Variants in ITM2B observed in about 807,000 individuals in gnomAD.
The protein encoded by ITM2B is ABri/ADan amyloid peptide.
A neutral mutation model predicts 27.8 loss-of-function variants in ITM2B; 11 were observed. That is an observed-to-expected ratio of 0.40 (90% CI 0.25 to 0.66). The LOEUF is 0.66. Among genes scored for constraint, ITM2B ranks in the 30% least tolerant of loss-of-function variants. The probability of loss-of-function intolerance (pLI) is 0.43; values close to 1 mark genes in which losing one functional copy is unlikely to be tolerated. For synonymous variants in ITM2B, 114 were observed against 114.3 expected, an observed-to-expected ratio of 1.00 and a Z score of 0.02; for missense variants, 296 against 328.9, an observed-to-expected ratio of 0.90 and a Z score of 0.77.
At chr13:48,236,425 A>C (rs1951668975) in intron 1 of ITM2B, among the ~76,000 whole-genome samples, 1 of 152,178 alleles carries the variant, frequency 6.6e-6, no homozygotes, top group Non-Finnish European at 1.5e-5. Flanking sequence ...CTTGGGCTTA[A>C]ATTTTTAGGT....
chr13:48,258,731 T>C (rs1951804504), intron 4 of ITM2B, 66 bp from the exon 5 acceptor site: 1 of 1,470,046 alleles, frequency 6.8e-7, no homozygotes, highest in South Asian at 1.1e-5. Flanking sequence ...AATTTTGTCT[T>C]GTTTCTCTAG....
rs1465311699 is a variant in ITM2B at position 48,263,101 on chromosome 13, G to A, written c.*1877G>A. The A allele has an allele frequency of 1.3e-5, 2 of 152,072 alleles. No homozygotes were observed. The highest frequency in any genetic ancestry group is 4.8e-5 in the African/African-American group (2 of 41,426). The allele number at this position is 152,072 out of a possible 1,614,324, so 9.4% of individuals were successfully genotyped here. A position where few individuals can be genotyped will look rare whatever the true frequency, so the allele number is the denominator to read the frequency against. On this transcript the variant is annotated 3_prime_UTR_variant, in exon 6 of 6. Transcript: ENST00000647800. ...GGCAGGCAACCTCCAGACTCCCAGGGACCCAAACTTACACTTTACTAAATG... is the reference window on the plus strand; with the variant it reads ...GGCAGGCAACCTCCAGACTCCCAGGAACCCAAACTTACACTTTACTAAATG...
At chr13:48,254,265 A>G (rs1951772907) in intron 2 of ITM2B, among the ~76,000 whole-genome samples, 1 of 152,222 alleles carries the variant, frequency 6.6e-6, no homozygotes, top group Admixed American at 6.5e-5. Flanking sequence ...CCAGTTGAAT[A>G]AATACATCAG....
Position 48,244,526 on chromosome 13 carries a change from A to G in ITM2B, c.118-9282A>G, listed in dbSNP as rs75894059. The stretch of plus-strand genomic sequence containing the variant: ...TTAACATTTAGAATTCCAAACTTGG[A>G]CAGAAATTTTCTCTTAACTATCCAC... On this transcript the variant is annotated intron_variant, in intron 1 of 5. Coordinates refer to ENST00000647800, the MANE Select transcript of ITM2B (RefSeq NM_021999.5). Among the ~76,000 whole-genome samples the G allele has an allele frequency of 5.0e-3, 761 of 152,342 alleles. 6 individuals are homozygous for G. Among genetic ancestry groups the G allele is most frequent in the African/African-American group, 0.018 (732 of 41,584 alleles).
At chr13:48,233,848 C>T (rs922387389) in intron 1 of ITM2B, among the ~76,000 whole-genome samples, 2 of 152,164 alleles carry the variant, frequency 1.3e-5, no homozygotes, top group Non-Finnish European at 2.9e-5. Flanking sequence ...TTGGCACTTC[C>T]TTCCCAGTAT....
chr13:48,242,858 T>C (rs1951707394), intron 1 of ITM2B, among the ~76,000 whole-genome samples: 2 of 152,198 alleles, frequency 1.3e-5, no homozygotes, highest in Non-Finnish European at 1.5e-5. Flanking sequence ...TCTGCTGTCA[T>C]TCATTTTCAT....
intron 5 of ITM2B, among the ~76,000 whole-genome samples, chr13:48,260,350 G>C (rs1290138401): frequency 6.6e-6 from 1 of 152,162 alleles, no homozygotes; most frequent in Non-Finnish European, 1.5e-5. Context: ...ATAATCCTTT[G>C]TGTATATGCC....
chr13:48,235,725 G>T (rs1436943527), intron 1 of ITM2B, among the ~76,000 whole-genome samples: 1 of 152,192 alleles, frequency 6.6e-6, no homozygotes, highest in Non-Finnish European at 1.5e-5. Context: ...CAGCCTTAAT[G>T]TGTTTTGCCG....
chr13:48,250,766 T>G (rs1427684503), intron 1 of ITM2B, among the ~76,000 whole-genome samples: 2 of 152,156 alleles, frequency 1.3e-5, no homozygotes, highest in Non-Finnish European at 2.9e-5. Context: ...TAGAGAGAGA[T>G]AAGATCTTTA....
At position 48,264,238 on chromosome 13, in the gene ITM2B, T is replaced by TG. The variant is rs1951839854; in HGVS notation, c.*3015dup. On this transcript the variant is annotated 3_prime_UTR_variant, in exon 6 of 6. Transcript: ENST00000647800. ...TTTTTTGAAACCTATCACTGCTATA[T>TG]GTTAGCAAGCAAACACTGATCTTGT... 1 of 152,188 alleles carries TG rather than the reference T, an allele frequency of 6.6e-6. No homozygotes were observed. The highest frequency in any genetic ancestry group is 1.5e-5 in the Non-Finnish European group (1 of 68,024). The allele number at this position is 152,188 out of a possible 1,614,324, so 9.4% of individuals were successfully genotyped here.
rs1042761622 is a variant in ITM2B, at chr13:48,269,284, C to G, written c.*8060C>G. 1.3e-5 allele frequency: 2 copies of G among 152,214 alleles called. No individual in the cohort carries two copies. 9.4% of individuals were successfully genotyped at this position (152,214 alleles called of 1,614,324 possible). On this transcript the variant is annotated 3_prime_UTR_variant, in exon 6 of 6. Transcript: ENST00000647800. ...ATTCAGCCGCTTCTCACTGTCTCTA[C>G]TGCTAACATAGTAGTCAAAGCTGCT...
At chr13:48,237,006 A>G (rs1313949432) in intron 1 of ITM2B, among the ~76,000 whole-genome samples, 1 of 152,214 alleles carries the variant, frequency 6.6e-6, no homozygotes, top group African/African-American at 2.4e-5. Flanking sequence ...TGAGTTACCC[A>G]TGACAAATGG....
In ITM2B at chr13:48,246,152, CATGTTGGT is replaced by C. The variant is rs1282697246; in HGVS notation, c.118-7653_118-7646del. ...AATTCCATAACTTCATTAATCATAA[CATGTTGGT>C]ATAATTCCCAATTTTGACTGTAAAT... is the stretch of plus-strand genomic sequence containing the variant. On this transcript the variant is annotated intron_variant, in intron 1 of 5. Transcript: ENST00000647800. Among the ~76,000 whole-genome samples, 3 of 152,282 alleles carry C rather than the reference CATGTTGGT, an allele frequency of 2.0e-5. No homozygotes were observed. In the South Asian group the frequency reaches 6.2e-4, roughly 32 times the overall value.
Position 48,267,730 on chromosome 13 carries a change from A to G in ITM2B, c.*6506A>G, listed in dbSNP as rs567204185. ...GGAAAATTTTTTTCACATAGGATAC[A>G]TGTTAATATTAGGTAGTACATCTAA... On this transcript the variant is annotated 3_prime_UTR_variant, in exon 6 of 6. Transcript: ENST00000647800. 17 of 152,320 alleles carry G rather than the reference A, an allele frequency of 1.1e-4. No homozygotes were observed. The highest frequency in any genetic ancestry group is 3.4e-4 in the African/African-American group (14 of 41,572). 9.4% of individuals were successfully genotyped at this position (152,320 alleles called of 1,614,324 possible).
intron 1 of ITM2B, among the ~76,000 whole-genome samples, chr13:48,248,481 T>A (rs1178726816): frequency 2.0e-5 from 3 of 152,148 alleles, no homozygotes; most frequent in African/African-American, 7.2e-5. Context: ...TATAATAATT[T>A]ATTTCGAATT....
At position 48,241,634 on chromosome 13, in the gene ITM2B, GTTATATATAT is replaced by G. The variant is rs1424675603; in HGVS notation, c.117+8160_117+8169del. On this transcript the variant is annotated intron_variant, in intron 1 of 5. Coordinates refer to ENST00000647800, the MANE Select transcript of ITM2B (RefSeq NM_021999.5). ...CCCAAAGAGCTTTTGCTTTATGTAG[GTTATATATAT>G]TTCCAAATAACCAAAAAGATTTAAG... Among the ~76,000 whole-genome samples the G allele has an allele frequency of 5.9e-5, 9 of 152,218 alleles. No homozygotes were observed. The East Asian group carries it at 1.7e-3, about 29-fold the overall frequency.
intron 1 of ITM2B, among the ~76,000 whole-genome samples, chr13:48,240,795 C>T (rs185250532): frequency 6.6e-6 from 1 of 152,246 alleles, no homozygotes; most frequent in Admixed American, 6.5e-5. Context: ...TCATTGTATA[C>T]AGTAAAATGC....
Position 48,267,489 on chromosome 13 carries a change from T to C in ITM2B, c.*6265T>C, listed in dbSNP as rs969701493. 1 of 152,122 alleles carries C rather than the reference T, an allele frequency of 6.6e-6. No individual in the cohort carries two copies. The highest frequency in any genetic ancestry group is 1.5e-5 in the Non-Finnish European group (1 of 68,046). The allele number at this position is 152,122 out of a possible 1,614,324, so 9.4% of individuals were successfully genotyped here. A position where few individuals can be genotyped will look rare whatever the true frequency, so the allele number is the denominator to read the frequency against. On this transcript the variant is annotated 3_prime_UTR_variant, in exon 6 of 6. Transcript: ENST00000647800. Reference sequence around the variant, plus strand: ...AGTCCCTAGATTCTAGCCCTGCAGCTAGCTGACACTCTAAAAAATTATGAG... The same window carrying C: ...AGTCCCTAGATTCTAGCCCTGCAGCCAGCTGACACTCTAAAAAATTATGAG...
In ITM2B at chr13:48,233,452, C is replaced by T. The variant is rs150336652; in HGVS notation, c.92C>T (p.Pro31Leu). Reference protein sequence around the residue: ...KSGEEALIIPPDAVAVDCKDP... With the variant: ...KSGEEALIIPLDAVAVDCKDP... ...GGCGAGGAGGCGCTCATCATCCCCC[C>T]CGACGCCGTCGCGGTGGACTGCAAG... The change falls in exon 1 of 6, where the codon CCC (proline) becomes CTC (leucine). Residue 31 changes from proline to leucine, a missense_variant. Transcript: ENST00000647800. 9.8e-6 allele frequency: 15 copies of T among 1,535,890 alleles called. No homozygotes were observed. The highest frequency in any genetic ancestry group is 8.6e-5 in the African/African-American group (6 of 70,022).
Sources: allele counts gnomAD v4.1 joint callset (sites outside exome capture counted in the v4.1 genomes callset), GRCh38; gene constraint gnomAD v4.1.1; transcripts MANE v1.5; gene names NCBI Gene and HGNC (gene_info 2026-07-23, HGNC 2026-07-21).